AFF3: variants seen among roughly 807,000 people sequenced by gnomAD.
AFF3 encodes AF4/FMR2 family member 3.
A neutral mutation model predicts 129.7 loss-of-function variants in AFF3; 32 were observed. The observed-to-expected ratio is 0.25, with a 90% CI of 0.19 to 0.33. The LOEUF (loss-of-function observed/expected upper bound fraction) is 0.33, where lower values mean the gene tolerates loss of function less well. AFF3 is among the 10% of genes least tolerant of loss of function. The pLI is 1.00. For synonymous variants in AFF3, 644 were observed against 635.4 expected, an observed-to-expected ratio of 1.01 and a Z score of -0.20; for missense variants, 1,373 against 1,592.0, an observed-to-expected ratio of 0.86 and a Z score of 2.34.
chr2:99,778,888 G>A (rs558839615), intron 8 of AFF3, among the ~76,000 whole-genome samples: 17 of 36,726 alleles, frequency 4.6e-4, no homozygotes, highest in African/African-American at 1.7e-3. Context: ...GTGTGTGTGT[G>A]TGTGTGCGCG....
chr2:100,048,594 T>C (rs1686030181), intron 4 of AFF3, among the ~76,000 whole-genome samples: 1 of 152,222 alleles, frequency 6.6e-6, no homozygotes, highest in African/African-American at 2.4e-5. Context: ...ATTCTTTCAG[T>C]GTTTCGTAAA....
chr2:99,570,376 C>T (rs949870358), intron 18 of AFF3, among the ~76,000 whole-genome samples: 3 of 152,132 alleles, frequency 2.0e-5, no homozygotes, highest in African/African-American at 7.2e-5. Flanking sequence ...CTCACTCTGT[C>T]GCCTAGGCTG....
Position 99,751,171 on chromosome 2 carries a change from G to A in AFF3, c.1002+1050C>T, listed in dbSNP as rs144499543. 6.6e-4 allele frequency among the ~76,000 whole-genome samples: 100 copies of A among 152,272 alleles called. 1 individual carries two copies. In the East Asian group the frequency reaches 0.017, roughly 27 times the overall value. On this transcript the variant is annotated intron_variant, in intron 9 of 24. Coordinates refer to ENST00000672756, the MANE Select transcript of AFF3 (RefSeq NM_001386135.1). ...TGCAGTGGCACAATCTCAGCTTACT[G>A]CAAGCTCCACCTCTCAGGTTCAAGT...
intron 8 of AFF3, among the ~76,000 whole-genome samples, chr2:99,762,297 T>A (rs544675990): frequency 5.3e-5 from 8 of 152,220 alleles, no homozygotes; most frequent in African/African-American, 1.4e-4. Context: ...CTAATTTTTG[T>A]ATTTTTTAGT....
At chr2:99,565,720 C>CT (rs1312038012) in intron 19 of AFF3, 97 bp from the exon 20 acceptor site, 1 of 1,325,538 alleles carries the variant, frequency 7.5e-7, no homozygotes, top group East Asian at 2.3e-5. Flanking sequence ...AAACCCAACT[C>CT]TGACTTCTAA....
intron 7 of AFF3, among the ~76,000 whole-genome samples, chr2:99,906,112 C>T (rs1017109415): frequency 3.9e-5 from 6 of 152,172 alleles, no homozygotes; most frequent in East Asian, 1.9e-4. Flanking sequence ...CATTTCTGGA[C>T]GCCATTCTAA....
At chr2:99,970,277 G>C (rs758235718) in intron 7 of AFF3, among the ~76,000 whole-genome samples, 5 of 152,054 alleles carry the variant, frequency 3.3e-5, no homozygotes, top group Non-Finnish European at 7.4e-5. Context: ...TCTCTTTCCA[G>C]ATCATCATCC....
intron 11 of AFF3, among the ~76,000 whole-genome samples, chr2:99,719,129 T>C (rs1420788765): frequency 6.9e-6 from 1 of 144,346 alleles, no homozygotes; most frequent in African/African-American, 2.5e-5. Context: ...GCTGGGAGTG[T>C]TTTTTTTTTC....
chr2:99,843,781 T>C (rs1452211130), intron 7 of AFF3, among the ~76,000 whole-genome samples: 1 of 152,188 alleles, frequency 6.6e-6, no homozygotes, highest in Non-Finnish European at 1.5e-5. Flanking sequence ...TGTGTAGCAG[T>C]AAACAATTTA....
intron 7 of AFF3, among the ~76,000 whole-genome samples, chr2:99,875,007 A>C (rs1292426475): frequency 6.6e-6 from 1 of 152,210 alleles, no homozygotes; most frequent in Non-Finnish European, 1.5e-5. Flanking sequence ...TATGCTTGTA[A>C]CTTTTCTGTA....
chr2:99,730,511 T>C (rs1215391377), intron 10 of AFF3, among the ~76,000 whole-genome samples: 1 of 148,802 alleles, frequency 6.7e-6, no homozygotes, highest in East Asian at 1.9e-4. Flanking sequence ...TTTGCTATAC[T>C]GCAACTTTTT....
intron 8 of AFF3, among the ~76,000 whole-genome samples, chr2:99,816,899 C>G (rs1021962350): frequency 2.0e-5 from 3 of 152,030 alleles, no homozygotes; most frequent in African/African-American, 7.2e-5. Context: ...CACCAGGAAC[C>G]TCAGGATACA....
At chr2:99,591,599 T>C (rs568993519) in intron 15 of AFF3, among the ~76,000 whole-genome samples, 59 of 152,318 alleles carry the variant, frequency 3.9e-4, no homozygotes, top group African/African-American at 4.1e-4. Context: ...GCAAGAAATA[T>C]ATTCATCGTG....
intron 21 of AFF3, 107 bp from the exon 22 acceptor site, chr2:99,559,075 G>T: frequency 1.1e-6 from 1 of 909,934 alleles, no homozygotes; most frequent in Non-Finnish European, 1.7e-6. Context: ...ACAATACCTT[G>T]TTTCTACATA....
intron 4 of AFF3, among the ~76,000 whole-genome samples, chr2:100,084,269 T>C (rs1689255288): frequency 2.0e-5 from 3 of 152,242 alleles, no homozygotes; most frequent in Non-Finnish European, 4.4e-5. Flanking sequence ...AAAGTAATCA[T>C]AGCTAAACAC....
At chr2:99,658,875 C>T (rs1685988336) in intron 12 of AFF3, among the ~76,000 whole-genome samples, 1 of 152,152 alleles carries the variant, frequency 6.6e-6, no homozygotes, top group African/African-American at 2.4e-5. Context: ...TGGATGCTAA[C>T]AGACACTGGG....
chr2:99,975,092 TCATA>T (rs150063754), intron 7 of AFF3, among the ~76,000 whole-genome samples: 4,354 of 152,276 alleles, frequency 0.029, 121 homozygotes, highest in African/African-American at 0.071. Context: ...TGGAATGCAT[TCATA>T]CCCTGGTAAT....
intron 1 of AFF3, among the ~76,000 whole-genome samples, chr2:100,135,615 C>T (rs935605577): frequency 2.0e-5 from 3 of 152,160 alleles, no homozygotes; most frequent in African/African-American, 4.8e-5. Context: ...AACCAAATAC[C>T]CAGATTCATG....
chr2:99,722,630 A>G (rs1423711895), intron 11 of AFF3, among the ~76,000 whole-genome samples: 1 of 152,242 alleles, frequency 6.6e-6, no homozygotes, highest in Non-Finnish European at 1.5e-5. Context: ...AGTAGGCAGC[A>G]GCTGAAAAGA....
Sources: allele counts gnomAD v4.1 joint callset (sites outside exome capture counted in the v4.1 genomes callset), GRCh38; gene constraint gnomAD v4.1.1; transcripts MANE v1.5; gene names NCBI Gene and HGNC (gene_info 2026-07-23, HGNC 2026-07-21).